The following COBL variants were observed in gnomAD, a reference collection of about 807,000 sequenced individuals.
The protein encoded by COBL is protein cordon-bleu.
In COBL, 51 loss-of-function variants were observed where a neutral mutation model predicts 98.8. The ratio of observed to expected loss-of-function variants is 0.52; its 90% confidence interval spans 0.41 to 0.65. The LOEUF is 0.65. Ranked by LOEUF, COBL falls within the 30% of genes least tolerant of loss-of-function variation. The pLI is 0.00. For synonymous variants in COBL, 634 were observed against 651.7 expected (o/e 0.97, Z 0.41); for missense variants, 1,617 against 1,617.5 (o/e 1.00, Z 0.01).
chr7:51,127,155 C>T (rs935185430), intron 6 of COBL, among the ~76,000 whole-genome samples: 1 of 152,142 alleles, frequency 6.6e-6, no homozygotes, highest in Non-Finnish European at 1.5e-5. Flanking sequence ...ACCTCATATC[C>T]GTCTATCACT....
At chr7:51,134,322 C>A (rs186315505) in intron 6 of COBL, among the ~76,000 whole-genome samples, 32 of 152,296 alleles carry the variant, frequency 2.1e-4, no homozygotes, top group Admixed American at 1.6e-3. Flanking sequence ...GCATTCTGTG[C>A]CAAATAAAAC....
At chr7:51,131,141 T>C (rs1367780396) in intron 6 of COBL, among the ~76,000 whole-genome samples, 1 of 152,184 alleles carries the variant, frequency 6.6e-6, no homozygotes, top group African/African-American at 2.4e-5. Flanking sequence ...AATCTTGAGA[T>C]CACAGAGAAA....
chr7:51,190,113 A>C (rs1318263646), intron 4 of COBL, among the ~76,000 whole-genome samples: 1 of 152,236 alleles, frequency 6.6e-6, no homozygotes, highest in African/African-American at 2.4e-5. Flanking sequence ...GTTCAGTTTT[A>C]GAGAACAGCT....
intron 5 of COBL, among the ~76,000 whole-genome samples, chr7:51,144,881 C>G (rs962917325): frequency 6.6e-6 from 1 of 152,236 alleles, no homozygotes; most frequent in Non-Finnish European, 1.5e-5. Context: ...GTATTTCATT[C>G]CTTGTTAAGG....
rs762764620 is a variant in COBL, at chr7:51,193,472, A to C, written c.363T>G (p.Asn121Lys). ...GCACATTCAGGGTCCCAATCAAAGT[A>C]TTTGGCTTAAAACTCAAAGGTTGTT... is the stretch of plus-strand genomic sequence containing the variant. ...ETQQPLSFKP[N>K]TLIGTLNVHT... Residue 121 changes from asparagine to lysine, a missense_variant, in exon 3 of 13, where the codon AAT (asparagine) becomes AAG (lysine). Coordinates refer to ENST00000265136, the MANE Select transcript of COBL (RefSeq NM_015198.5). The C allele has an allele frequency of 8.1e-6, 13 of 1,614,090 alleles. No homozygotes were observed. In the East Asian group the frequency reaches 2.9e-4, roughly 36 times the overall value.
chr7:51,307,448 C>G (rs1469932312), intron 1 of COBL, among the ~76,000 whole-genome samples: 1 of 152,184 alleles, frequency 6.6e-6, no homozygotes, highest in Non-Finnish European at 1.5e-5. Context: ...ACCTCCCACA[C>G]ACAAGGAGCA....
intron 6 of COBL, among the ~76,000 whole-genome samples, chr7:51,108,308 C>T (rs1796496338): frequency 8.8e-6 from 1 of 113,630 alleles, no homozygotes; most frequent in Admixed American, 9.1e-5. Context: ...TGAGGCTCAT[C>T]CGCTGCTGTG....
intron 5 of COBL, among the ~76,000 whole-genome samples, chr7:51,180,088 T>C (rs1788788831): frequency 6.6e-6 from 1 of 152,252 alleles, no homozygotes; most frequent in Non-Finnish European, 1.5e-5. Context: ...TTTCATTTTA[T>C]GGCAATATAC....
chr7:51,077,340 G>T (rs894159734), intron 7 of COBL, among the ~76,000 whole-genome samples: 20 of 152,146 alleles, frequency 1.3e-4, no homozygotes, highest in African/African-American at 4.8e-4. Flanking sequence ...TTTGTGACAT[G>T]CAGCTTTGAG....
intron 5 of COBL, among the ~76,000 whole-genome samples, chr7:51,142,979 G>A (rs1022307332): frequency 6.6e-6 from 1 of 152,148 alleles, no homozygotes; most frequent in African/African-American, 2.4e-5. Context: ...CCAGGGGGAG[G>A]GAGAGATGCA....
chr7:51,178,547 G>A (rs759755476), intron 5 of COBL, among the ~76,000 whole-genome samples: 13 of 152,016 alleles, frequency 8.6e-5, no homozygotes, highest in Non-Finnish European at 1.5e-4. Context: ...TTTACCTTTT[G>A]AATAAGCTGC....
chr7:51,041,028 A>C (rs1037242873), intron 8 of COBL, among the ~76,000 whole-genome samples: 1 of 152,242 alleles, frequency 6.6e-6, no homozygotes, highest in Admixed American at 6.5e-5. Context: ...CGTGGAGATT[A>C]CAGTAGAAAG....
chr7:51,256,579 T>C (rs765699558), intron 1 of COBL, among the ~76,000 whole-genome samples: 2 of 152,240 alleles, frequency 1.3e-5, no homozygotes, highest in Admixed American at 6.5e-5. Flanking sequence ...GCAGCACCAC[T>C]ACCCGGATCC....
intron 1 of COBL, among the ~76,000 whole-genome samples, chr7:51,273,539 G>A (rs1186786826): frequency 2.0e-5 from 3 of 152,048 alleles, no homozygotes; most frequent in South Asian, 2.1e-4. Flanking sequence ...ATTGACATCA[G>A]GGAATGAAGC....
intron 6 of COBL, among the ~76,000 whole-genome samples, chr7:51,107,084 G>GTTTTTTTTT (rs202161212): frequency 2.7e-5 from 3 of 109,312 alleles, no homozygotes; most frequent in South Asian, 2.9e-4. Context: ...TGTGATCCTA[G>GTTTTTTTTT]TTTGTTTGTT....
chr7:51,101,034 T>C lies in COBL; in HGVS notation c.958-15730A>G, dbSNP rs1174780839. On this transcript the variant is annotated intron_variant, in intron 6 of 12. Coordinates refer to ENST00000265136, the MANE Select transcript of COBL (RefSeq NM_015198.5). ...TCTGGCTCACTCATTGTTACACAATTTGGAGAAGCATTAAACTCCTTGAGG... is the reference window on the plus strand; with the variant it reads ...TCTGGCTCACTCATTGTTACACAATCTGGAGAAGCATTAAACTCCTTGAGG... Among the ~76,000 whole-genome samples the C allele has an allele frequency of 2.0e-5, 3 of 152,264 alleles. No homozygotes were observed. The East Asian group carries it at 5.8e-4, about 29-fold the overall frequency.
chr7:51,040,097 G>A (rs1789024987), intron 8 of COBL, among the ~76,000 whole-genome samples: 1 of 151,200 alleles, frequency 6.6e-6, no homozygotes. Flanking sequence ...AAGTAATCCT[G>A]AAATTTATTG....
intron 6 of COBL, among the ~76,000 whole-genome samples, chr7:51,090,915 C>T (rs10156067): frequency 0.56 from 85,197 of 151,998 alleles, 24,486 homozygotes; most frequent in Middle Eastern, 0.69. Context: ...AGAGAGAGCA[C>T]GAGATTACAA....
chr7:51,163,658 C>T (rs982713467), intron 5 of COBL, among the ~76,000 whole-genome samples: 1 of 152,184 alleles, frequency 6.6e-6, no homozygotes, highest in Non-Finnish European at 1.5e-5. Context: ...ATATAACAAA[C>T]TTCTTCCTTC....
Sources: allele counts gnomAD v4.1 joint callset (sites outside exome capture counted in the v4.1 genomes callset), GRCh38; gene constraint gnomAD v4.1.1; transcripts MANE v1.5; gene names NCBI Gene and HGNC (gene_info 2026-07-23, HGNC 2026-07-21).